MIA3: variants seen among roughly 807,000 people sequenced by gnomAD.
The protein encoded by MIA3 is MIA SH3 domain ER export factor 3.
A neutral mutation model predicts 192.4 loss-of-function variants in MIA3; 90 were observed. That is an observed-to-expected ratio of 0.47 (90% confidence interval 0.39 to 0.56). The LOEUF is 0.56. Among genes scored for constraint, MIA3 ranks in the 20% least tolerant of loss-of-function variants. The pLI, the probability that MIA3 is intolerant of heterozygous loss-of-function variation, is 0.00. For missense variants in MIA3, 2,123 were observed against 2,269.4 expected (o/e 0.94, Z 1.31); for synonymous variants, 740 against 792.8 (o/e 0.93, Z 1.12).
chr1:222,619,101 G>A (rs567132094), intron 1 of MIA3, among the ~76,000 whole-genome samples: 1 of 152,344 alleles, frequency 6.6e-6, no homozygotes, highest in East Asian at 1.9e-4. Context: ...TGGGATTGGA[G>A]GTGGGCGGTG....
intron 3 of MIA3, among the ~76,000 whole-genome samples, 178 bp downstream of exon 3, chr1:222,625,032 C>T (rs1468228612): frequency 3.4e-5 from 5 of 148,230 alleles, no homozygotes; most frequent in East Asian, 2.0e-4. Context: ...TTTTTTGAGT[C>T]GGAGTCTCGC....
chr1:222,648,648 C>G (rs991197856), intron 7 of MIA3, among the ~76,000 whole-genome samples, 181 bp from the exon 8 acceptor site: 1 of 152,210 alleles, frequency 6.6e-6, no homozygotes, highest in African/African-American at 2.4e-5. Context: ...CATATCACTA[C>G]TGGTTAAATT....
Position 222,628,347 on chromosome 1 carries a change from A to T in MIA3, c.1127A>T (p.Asp376Val). 1 of 1,613,712 alleles carries T rather than the reference A, an allele frequency of 6.2e-7. No individual in the cohort carries two copies. The highest frequency in any genetic ancestry group is 8.5e-7 in the Non-Finnish European group (1 of 1,179,912). ...GTGCCCCCTGGCATCAAAAATGATG[A>T]TAAAAATATACTAACAACCTGGGGG... ...LTVPPGIKND[D>V]KNILTTWGDT... Residue 376 changes from aspartate (D) to valine (V), a missense_variant, in exon 4 of 28, where the codon GAT (aspartate) becomes GTT (valine). Physicochemically the swap from Asp to Val is radical, Grantham distance 152 (BLOSUM62 -3). Transcript: ENST00000344922.
rs916407344 is a variant in MIA3 at position 222,662,273 on chromosome 1, A to G, written c.5203A>G (p.Thr1735Ala). The change falls in exon 26 of 28, where the codon ACC becomes GCC. Residue 1735 changes from threonine (T) to alanine (A), a missense_variant. Physicochemically the swap from Thr to Ala is moderately conservative, Grantham distance 58. Coordinates refer to ENST00000344922, the MANE Select transcript of MIA3 (RefSeq NM_198551.4). ...AACAGATCCAGGATCTGGTACAGCT[A>G]CCATGATGAACAGCAGCTCAAGAGG... is the stretch of plus-strand genomic sequence containing the variant. ...SPSDPGSGTA[T>A]MMNSSSRGSS... 6.2e-6 allele frequency: 10 copies of G among 1,613,806 alleles called. No homozygotes were observed. The highest frequency in any genetic ancestry group is 2.7e-5 in the African/African-American group (2 of 74,906).
intron 19 of MIA3, 156 bp downstream of exon 19, chr1:222,658,979 T>A (rs1232345439): frequency 5.4e-6 from 3 of 550,658 alleles, no homozygotes; most frequent in Non-Finnish European, 9.8e-6. Context: ...GGAAAAATAT[T>A]AACAAATACC....
chr1:222,619,207 T>G (rs1661748210), intron 1 of MIA3, among the ~76,000 whole-genome samples: 1 of 152,192 alleles, frequency 6.6e-6, no homozygotes, highest in Non-Finnish European at 1.5e-5. Context: ...TGGTTTAGCC[T>G]TAGCCGCTTG....
chr1:222,664,109 T>A lies in MIA3; in HGVS notation c.5374T>A (p.Cys1792Ser). ...PIRYGPPPQLCGPFGPRPLPP... is the reference protein window; with the variant it reads ...PIRYGPPPQLSGPFGPRPLPP... ...TCGATATGGACCACCACCTCAGCTC[T>A]GCGGACCTTTTGGGCCTCGGCCACT... The change falls in exon 27 of 28, where the codon TGC becomes AGC. Residue 1792 changes from cysteine (C) to serine (S), a missense_variant. Coordinates refer to ENST00000344922, the MANE Select transcript of MIA3 (RefSeq NM_198551.4). 3.7e-6 allele frequency: 6 copies of A among 1,614,244 alleles called. No homozygotes were observed. The highest frequency in any genetic ancestry group is 5.1e-6 in the Non-Finnish European group (6 of 1,180,028).
chr1:222,629,210 G>A lies in MIA3; in HGVS notation c.1990G>A (p.Ala664Thr). The part of the protein sequence containing the change: ...NLPWQQERDV[A>T]ATASKQMSEK... ...TCCCTGGCAACAAGAAAGAGATGTG[G>A]CTGCCACAGCCAGTAAGCAAATGAG... is the stretch of plus-strand genomic sequence containing the variant. The change falls in exon 4 of 28, where the codon GCT becomes ACT. Residue 664 changes from alanine (A) to threonine (T), a missense_variant. By Grantham distance (58) the Ala-to-Thr change is moderately conservative. This residue lies in a region of MIA3 where 1,357 missense variants were observed against 1,396.1 expected (regional missense o/e 0.97). Transcript: ENST00000344922. The A allele has an allele frequency of 6.2e-7, 1 of 1,614,208 alleles. No homozygotes were observed. The highest frequency in any genetic ancestry group is 8.5e-7 in the Non-Finnish European group (1 of 1,180,038).
At position 222,633,086 on chromosome 1, in the gene MIA3, CT is replaced by C; in HGVS notation, c.3332-15del. On this transcript the variant is annotated splice_polypyrimidine_tract_variant and intron_variant, in intron 5 of 27. Transcript: ENST00000344922. ...TTATTCTAAAGCACAAAATGTCTATCTTTCCTCCCAATTCCAGGGCCAGTTA... is the reference window on the plus strand; with the variant it reads ...TTATTCTAAAGCACAAAATGTCTATCTTCCTCCCAATTCCAGGGCCAGTTA... 1.3e-6 allele frequency: 2 copies of C among 1,574,348 alleles called. No homozygotes were observed. The highest frequency in any genetic ancestry group is 1.7e-6 in the Non-Finnish European group (2 of 1,164,574).
intron 18 of MIA3, 106 bp downstream of exon 18, chr1:222,654,899 T>C (rs986121937): frequency 2.0e-6 from 2 of 981,004 alleles, no homozygotes; most frequent in South Asian, 1.7e-5. Context: ...CTTTTGCATC[T>C]GTAATTAGTA....
intron 3 of MIA3, among the ~76,000 whole-genome samples, chr1:222,625,814 G>A: frequency 6.6e-6 from 1 of 152,172 alleles, no homozygotes; most frequent in East Asian, 1.9e-4. Context: ...CCAGCTCACT[G>A]CAGCCTCCGC....
rs374675838 is a variant in MIA3 at position 222,626,289 on chromosome 1, C to G, written c.355-1286C>G. ...ATCGTATTGCCTGTTTGGCTTCACT[C>G]CTGATGAAGAGACTGCCCGGGATTT... On this transcript the variant is annotated intron_variant, in intron 3 of 27. Coordinates refer to ENST00000344922, the MANE Select transcript of MIA3 (RefSeq NM_198551.4). 8.3e-4 allele frequency among the ~76,000 whole-genome samples: 127 copies of G among 152,216 alleles called. 4 individuals are homozygous for G. In the South Asian group the frequency reaches 0.026, roughly 31 times the overall value.
At position 222,629,004 on chromosome 1, in the gene MIA3, T is replaced by G. The variant is rs1374490049; in HGVS notation, c.1784T>G (p.Val595Gly). The G allele has an allele frequency of 6.2e-7, 1 of 1,614,134 alleles. No homozygotes were observed. Residue 595 changes from valine (V) to glycine (G), a missense_variant, in exon 4 of 28, where the codon GTG becomes GGG. Around this residue, in one of 3 missense-constraint regions of MIA3, gnomAD observed 1,357 missense variants for 1,396.1 expected, o/e 0.97. Coordinates refer to ENST00000344922, the MANE Select transcript of MIA3 (RefSeq NM_198551.4). ...CACCCTAACGCATCCAGAGACAGTGTGGAGGGAGACGCTTTGGTAAATGGG... is the reference window on the plus strand; with the variant it reads ...CACCCTAACGCATCCAGAGACAGTGGGGAGGGAGACGCTTTGGTAAATGGG... ...DDHPNASRDS[V>G]EGDALVNGAK...
At chr1:222,660,071 T>C (rs1318434032) in intron 23 of MIA3, 65 bp downstream of exon 23, 26 of 1,586,928 alleles carry the variant, frequency 1.6e-5, no homozygotes, top group Non-Finnish European at 2.1e-5. Flanking sequence ...ATAAGTGACT[T>C]TTTGTTTCTG....
At chr1:222,630,670 A>G (rs896311189) in intron 4 of MIA3, among the ~76,000 whole-genome samples, 1 of 152,270 alleles carries the variant, frequency 6.6e-6, no homozygotes, top group Non-Finnish European at 1.5e-5. Flanking sequence ...AAAGTAATAT[A>G]CAAAATACAA....
At chr1:222,651,620 TG>T (rs2078665152) in intron 11 of MIA3, among the ~76,000 whole-genome samples, 3 of 146,958 alleles carry the variant, frequency 2.0e-5, no homozygotes, top group Non-Finnish European at 4.5e-5. Flanking sequence ...TAAAGTACCT[TG>T]GGGATTATTT....
intron 7 of MIA3, chr1:222,645,989 T>C (rs550187191): frequency 8.2e-6 from 2 of 243,488 alleles, no homozygotes; most frequent in Non-Finnish European, 1.6e-5. Flanking sequence ...ATAGGTCATA[T>C]GTACACTGTT....
In MIA3 at chr1:222,629,733, C is replaced by T. The variant is rs1271012787; in HGVS notation, c.2513C>T (p.Thr838Ile). ...TTTTCTGACAGCATAAAAATTCAGA[C>T]TCCAGAATTAGGTGAAGTGTTTCAG... is the stretch of plus-strand genomic sequence containing the variant. ...SDFSDSIKIQ[T>I]PELGEVFQNK... The change falls in exon 4 of 28, where the codon ACT becomes ATT. Residue 838 changes from threonine (T) to isoleucine (I), a missense_variant. Physicochemically the swap from Thr to Ile is moderately conservative, Grantham distance 89. Transcript: ENST00000344922. 6.2e-7 allele frequency: 1 copy of T among 1,614,068 alleles called. No homozygotes were observed. Among genetic ancestry groups the T allele is most frequent in the Non-Finnish European group, 8.5e-7 (1 of 1,180,030 alleles).
chr1:222,632,379 T>C (rs1306140071), intron 5 of MIA3, 53 bp downstream of exon 5: 2 of 1,465,468 alleles, frequency 1.4e-6, no homozygotes, highest in African/African-American at 1.4e-5. Context: ...AAGAAGGCCT[T>C]CTAGGAGATT....
Sources: allele counts gnomAD v4.1 joint callset (sites outside exome capture counted in the v4.1 genomes callset), GRCh38; gene constraint gnomAD v4.1.1; regional missense constraint gnomAD v4.1.1; transcripts MANE v1.5; gene names NCBI Gene and HGNC (gene_info 2026-07-23, HGNC 2026-07-21).